PDE8B: variants seen among roughly 807,000 people sequenced by gnomAD.
PDE8B encodes the protein phosphodiesterase 8B.
A neutral mutation model predicts 101.3 loss-of-function variants in PDE8B; 26 were observed. The observed-to-expected ratio is 0.26, with a 90% CI of 0.19 to 0.36. The LOEUF (loss-of-function observed/expected upper bound fraction) is 0.36, where lower values mean the gene tolerates loss of function less well. PDE8B is among the 10% of genes least tolerant of loss of function. PDE8B has a pLI of 1.00. For synonymous variants in PDE8B, 424 were observed against 429.3 expected, an observed-to-expected ratio of 0.99 and a Z score of 0.15; for missense variants, 810 against 1,163.1, an observed-to-expected ratio of 0.70 and a Z score of 4.42.
intron 10 of PDE8B, among the ~76,000 whole-genome samples, chr5:77,371,175 C>T (rs1224443554): frequency 6.6e-6 from 1 of 152,088 alleles, no homozygotes; most frequent in Non-Finnish European, 1.5e-5. Flanking sequence ...TTTTCTGTGA[C>T]CTACCTAAGA....
At chr5:77,185,941 A>G in the PDE8B span, among the ~76,000 whole-genome samples, 1 of 152,186 alleles carries the variant, frequency 6.6e-6, no homozygotes, top group Non-Finnish European at 1.5e-5. Context: ...TCCCAGCTCC[A>G]TTGCTTGCCA....
rs1368178665 is a variant in PDE8B at position 77,211,547 on chromosome 5, C to G, written c.339+283C>G. On this transcript the variant is annotated intron_variant, in intron 1 of 21. Coordinates refer to ENST00000264917, the MANE Select transcript of PDE8B (RefSeq NM_003719.5). The surrounding 1 kb of genome is among the most constrained non-coding windows in gnomAD (Gnocchi z 4.1). The stretch of plus-strand genomic sequence containing the variant: ...AAGCAGGTGGGCTGGCCTGTTCCTC[C>G]TTGAGGGCAGGAAGGCTGTGGCTTG... Among the ~76,000 whole-genome samples, 3 of 152,174 alleles carry G rather than the reference C, an allele frequency of 2.0e-5. No individual in the cohort carries two copies. The highest frequency in any genetic ancestry group is 2.0e-4 in the Admixed American group (3 of 15,288).
At chr5:77,417,231 C>T (rs147204464) in intron 17 of PDE8B, among the ~76,000 whole-genome samples, 12 of 152,294 alleles carry the variant, frequency 7.9e-5, no homozygotes, top group Admixed American at 2.6e-4. Flanking sequence ...ACAAATAGAA[C>T]GCATTCCTGT....
At chr5:77,408,822 T>A in intron 13 of PDE8B, 71 bp from the exon 14 acceptor site, 1 of 1,223,082 alleles carries the variant, frequency 8.2e-7, no homozygotes, top group South Asian at 1.2e-5. Flanking sequence ...TTTTGGATTC[T>A]GGGCATATAT....
At chr5:77,344,773 C>G in intron 6 of PDE8B, 80 bp from the exon 7 acceptor site, 1 of 908,654 alleles carries the variant, frequency 1.1e-6, no homozygotes, top group East Asian at 2.4e-5. Flanking sequence ...AACCTGGTAT[C>G]TGTTTACTTT....
intron 10 of PDE8B, among the ~76,000 whole-genome samples, chr5:77,364,090 A>T (rs978442300): frequency 6.6e-6 from 1 of 152,164 alleles, no homozygotes; most frequent in African/African-American, 2.4e-5. Flanking sequence ...CTGTACGGAG[A>T]ATCCTGGGTC....
intron 16 of PDE8B, 73 bp from the exon 17 acceptor site, chr5:77,413,038 C>T: frequency 3.3e-6 from 4 of 1,221,418 alleles, no homozygotes; most frequent in Non-Finnish European, 4.9e-6. Flanking sequence ...CTTCCATGCC[C>T]CACTATCATC....
intron 12 of PDE8B, among the ~76,000 whole-genome samples, chr5:77,406,428 T>C (rs1160092612): frequency 1.3e-5 from 2 of 152,108 alleles, no homozygotes; most frequent in African/African-American, 2.4e-5. Context: ...TTGAGATGGA[T>C]TGAGCGGATA....
the PDE8B span, among the ~76,000 whole-genome samples, chr5:77,153,139 C>T: frequency 6.6e-6 from 1 of 152,050 alleles, no homozygotes; most frequent in South Asian, 2.1e-4. Context: ...ATAGGACAGC[C>T]CCTCATGGCA....
chr5:77,265,223 G>C (rs913533839), intron 1 of PDE8B, among the ~76,000 whole-genome samples: 14 of 152,278 alleles, frequency 9.2e-5, no homozygotes, highest in Admixed American at 7.8e-4. Context: ...CAGAAACCAA[G>C]ACATCACAGA....
the PDE8B span, chr5:77,119,195 A>G: frequency 6.6e-6 from 1 of 152,000 alleles, no homozygotes; most frequent in East Asian, 1.9e-4. Flanking sequence ...GAGGGTGTGG[A>G]ACAGTCAGAG....
the PDE8B span, among the ~76,000 whole-genome samples, chr5:77,127,374 A>C: frequency 1.3e-5 from 2 of 151,110 alleles, no homozygotes; most frequent in African/African-American, 4.9e-5. Context: ...TACACTTCTC[A>C]CTCCCGCCAC....
the PDE8B span, chr5:77,148,412 T>C: frequency 6.6e-6 from 1 of 152,228 alleles, no homozygotes; most frequent in African/African-American, 2.4e-5. Flanking sequence ...AATCACTAGA[T>C]TGTATGGTAA....
chr5:77,258,650 AT>A (rs1759720142), intron 1 of PDE8B, among the ~76,000 whole-genome samples: 1 of 152,146 alleles, frequency 6.6e-6, no homozygotes, highest in Non-Finnish European at 1.5e-5. Flanking sequence ...GTTCTGTCAG[AT>A]CTGCATCTCT....
intron 1 of PDE8B, among the ~76,000 whole-genome samples, chr5:77,261,635 T>G (rs1760600373): frequency 6.6e-6 from 1 of 152,362 alleles, no homozygotes; most frequent in East Asian, 1.9e-4. Context: ...TTGTGCCTCA[T>G]GGCAGCTACC....
chr5:77,306,131 G>A (rs1428800565), intron 1 of PDE8B, among the ~76,000 whole-genome samples: 1 of 152,114 alleles, frequency 6.6e-6, no homozygotes, highest in African/African-American at 2.4e-5. Flanking sequence ...AGCAGGGATC[G>A]CCAGGCACTG....
upstream of PDE8B, among the ~76,000 whole-genome samples, chr5:77,207,797 G>A (rs569019465): frequency 6.6e-6 from 1 of 152,130 alleles, no homozygotes; most frequent in Admixed American, 6.5e-5. Context: ...ATGGGGGCAG[G>A]TTGCACATTC....
intron 18 of PDE8B, among the ~76,000 whole-genome samples, chr5:77,419,353 C>CTG (rs1199212479): frequency 6.6e-6 from 1 of 152,196 alleles, no homozygotes; most frequent in Non-Finnish European, 1.5e-5. Flanking sequence ...TTGAAAGAGG[C>CTG]TGTGGCCATC....
chr5:77,381,802 CATAAATTAT>C (rs113570079), intron 10 of PDE8B, among the ~76,000 whole-genome samples: 2,946 of 152,158 alleles, frequency 0.019, 90 homozygotes, highest in African/African-American at 0.067. Flanking sequence ...ATCTATCCAT[CATAAATTAT>C]ATAAATTTAA....
Sources: gnomAD v4.1 joint callset for allele counts (sites outside exome capture counted in the v4.1 genomes callset) on GRCh38, gnomAD v4.1.1 for gene constraint, Gnocchi (gnomAD v3.1) non-coding constraint, MANE v1.5 for transcripts, NCBI Gene and HGNC (gene_info 2026-07-23, HGNC 2026-07-21) for gene names.